DMD: variants seen among roughly 807,000 people sequenced by gnomAD.
The protein encoded by DMD is dystrophin, also known as mutant dystrophin.
DMD carries 63 observed loss-of-function variants against 330.1 expected under a neutral mutation model. The ratio of observed to expected loss-of-function variants is 0.19; its 90% CI spans 0.16 to 0.24. The LOEUF (loss-of-function observed/expected upper bound fraction) is 0.24, where lower values mean the gene tolerates loss of function less well. Among genes scored for constraint, DMD ranks in the 10% least tolerant of loss-of-function variants. DMD has a pLI of 1.00. For missense variants in DMD, 3,344 were observed against 2,684.1 expected (o/e 1.25, Z -5.43); for synonymous variants, 1,223 against 959.8 (o/e 1.27, Z -5.07).
chrX:32,178,828 GGGGTGTGTGT>G (rs1281333387), intron 44 of DMD, among the ~76,000 whole-genome samples: 314 of 16,697 alleles, frequency 0.019, 2 homozygotes, highest in Middle Eastern at 0.097. Flanking sequence ...AATATTCCAG[GGGGTGTGTGT>G]GTGTGTGTGT....
chrX:31,475,837 C>T (rs2067700313), intron 59 of DMD, among the ~76,000 whole-genome samples: 1 of 111,334 alleles, frequency 9.0e-6, no homozygotes, highest in Non-Finnish European at 1.9e-5. Context: ...TGCAATTCAA[C>T]ATTAGACCAT....
intron 7 of DMD, among the ~76,000 whole-genome samples, chrX:32,713,164 A>C (rs765917144): frequency 6.2e-5 from 7 of 112,004 alleles, no homozygotes; most frequent in Non-Finnish European, 1.3e-4. Context: ...TAATTTCTTA[A>C]CTGTACTCAC....
At chrX:31,427,399 G>T (rs1368856731) in intron 60 of DMD, among the ~76,000 whole-genome samples, 1 of 111,511 alleles carries the variant, frequency 9.0e-6, no homozygotes, top group African/African-American at 3.3e-5. Flanking sequence ...CTCTAGTGGA[G>T]CCCTTGTAAT....
At chrX:31,675,455 C>T (rs931700409) in intron 53 of DMD, among the ~76,000 whole-genome samples, 25 of 111,780 alleles carry the variant, frequency 2.2e-4, no homozygotes, top group African/African-American at 8.1e-4. Context: ...CTCCGCCTCC[C>T]GGGTTCAAGC....
chrX:33,238,887 GA>G (rs1419574657), intron 1 of DMD, among the ~76,000 whole-genome samples: 5 of 110,988 alleles, frequency 4.5e-5, no homozygotes, highest in Non-Finnish European at 9.4e-5. Context: ...TCAATACTGA[GA>G]AAACTTTGCC....
rs763807010 is a variant in DMD at position 32,583,926 on chromosome X, G to A, written c.1603-10080C>T. Among the ~76,000 whole-genome samples the A allele has an allele frequency of 5.4e-5, 6 of 111,113 alleles. 1 individual carries two copies. In the South Asian group the frequency reaches 2.3e-3, roughly 42 times the overall value. On this transcript the variant is annotated intron_variant, in intron 13 of 78. Transcript: ENST00000357033. ...TTTTATTTTTAAACTGAGGACAAAA[G>A]TACACTAAACATAACAGAAAATATT...
rs2095043828 is a variant in DMD, at chrX:31,943,894, AGAG to A, written c.6615-11670_6615-11668del. 1.6e-4 allele frequency among the ~76,000 whole-genome samples: 11 copies of A among 67,440 alleles called. No individual in the cohort carries two copies. The South Asian group carries it at 5.6e-3, about 34-fold the overall frequency. The allele number at this position is 67,440 out of a possible 115,157, so 58.6% of individuals were successfully genotyped here. ...CCCAGAGAGTGAGAGAGAGAGAGAG[AGAG>A]AGAGAGAGAGAGAGAGAGAGAGAGA... On this transcript the variant is annotated intron_variant, in intron 45 of 78. Transcript: ENST00000357033.
intron 33 of DMD, among the ~76,000 whole-genome samples, chrX:32,384,745 T>A (rs947417469): frequency 9.0e-6 from 1 of 110,919 alleles, no homozygotes; most frequent in African/African-American, 3.3e-5. Context: ...GACATTCATA[T>A]TTCTGTCTAA....
chrX:32,885,842 A>C (rs2084498523), intron 2 of DMD, among the ~76,000 whole-genome samples: 1 of 108,407 alleles, frequency 9.2e-6, no homozygotes. Flanking sequence ...AAAAAAAAAA[A>C]AAAAAAACCT....
At chrX:33,164,929 T>TTTC (rs2048979844) in intron 1 of DMD, among the ~76,000 whole-genome samples, 1 of 2,654 alleles carries the variant, frequency 3.8e-4, no homozygotes, top group Non-Finnish European at 7.8e-4. Context: ...ACTTTCTTTC[T>TTTC]TTTTTTTTTT....
At chrX:31,671,979 A>C (rs1426818580) in intron 53 of DMD, among the ~76,000 whole-genome samples, 2 of 111,131 alleles carry the variant, frequency 1.8e-5, no homozygotes, top group African/African-American at 6.5e-5. Context: ...CTAGTTTCTT[A>C]AGGTAGAAGC....
intron 2 of DMD, among the ~76,000 whole-genome samples, chrX:32,963,008 C>T (rs767265294): frequency 3.6e-5 from 4 of 111,473 alleles, no homozygotes; most frequent in South Asian, 7.5e-4. Context: ...CTGCAAGAAG[C>T]GTCAGGAGCC....
intron 42 of DMD, among the ~76,000 whole-genome samples, chrX:32,290,728 G>A (rs1409158644): frequency 8.9e-6 from 1 of 111,794 alleles, no homozygotes; most frequent in Non-Finnish European, 1.9e-5. Flanking sequence ...AAACAAAGGT[G>A]GGTGAAACAC....
chrX:31,820,159 G>C, intron 49 of DMD, 76 bp from the exon 50 acceptor site: 1 of 837,319 alleles, frequency 1.2e-6, no homozygotes, highest in Admixed American at 2.3e-5. Flanking sequence ...TAATCCATTT[G>C]GTGAATATAT....
At chrX:31,953,489 T>C (rs1569521769) in intron 45 of DMD, among the ~76,000 whole-genome samples, 2 of 112,292 alleles carry the variant, frequency 1.8e-5, no homozygotes, top group Admixed American at 9.5e-5. Context: ...ATATTGTTCA[T>C]ATACAAAGTT....
At chrX:32,562,682 T>C (rs2051163315) in intron 16 of DMD, among the ~76,000 whole-genome samples, 1 of 112,794 alleles carries the variant, frequency 8.9e-6, no homozygotes, top group South Asian at 3.6e-4. Context: ...AGTCACAACC[T>C]TACAGCTCAT....
At chrX:31,889,113 T>C (rs757695956) in intron 47 of DMD, among the ~76,000 whole-genome samples, 17 of 112,066 alleles carry the variant, frequency 1.5e-4, no homozygotes, top group Non-Finnish European at 1.7e-4. Context: ...ACGAGGTAAA[T>C]GAACATTTCT....
chrX:32,252,988 A>G (rs2097282874), intron 43 of DMD, among the ~76,000 whole-genome samples: 1 of 95,272 alleles, frequency 1.0e-5, no homozygotes, highest in East Asian at 3.1e-4. Flanking sequence ...ATATATATTT[A>G]TATTCAACGG....
chrX:31,449,817 A>AGATAGATAGAT (rs35763462), intron 59 of DMD, among the ~76,000 whole-genome samples: 4 of 83,237 alleles, frequency 4.8e-5, no homozygotes, highest in East Asian at 3.8e-4. Context: ...GATAGATAGA[A>AGATAGATAGAT]ATCTGGCTAT....
Sources: gnomAD v4.1 joint callset for allele counts (sites outside exome capture counted in the v4.1 genomes callset) on GRCh38, gnomAD v4.1.1 for gene constraint, MANE v1.5 for transcripts, NCBI Gene and HGNC (gene_info 2026-07-23, HGNC 2026-07-21) for gene names.